Variants in RASAL3 observed in about 807,000 individuals in gnomAD.
The protein encoded by RASAL3 is RAS protein activator like 3.
Under a neutral mutation model 105.5 loss-of-function variants are expected in RASAL3, and 74 were observed. The observed-to-expected ratio is 0.70, with a 90% confidence interval of 0.58 to 0.85. The LOEUF is 0.85. Ranked by LOEUF, RASAL3 falls within the 40% of genes least tolerant of loss-of-function variation. RASAL3 has a pLI of 0.00. For missense variants in RASAL3, 1,352 were observed against 1,392.0 expected (o/e 0.97, Z 0.46); for synonymous variants, 579 against 591.6 (o/e 0.98, Z 0.31).
intron 2 of RASAL3, among the ~76,000 whole-genome samples, chr19:15,463,245 C>T (rs1268896330): frequency 6.6e-6 from 1 of 151,828 alleles, no homozygotes; most frequent in Non-Finnish European, 1.5e-5. Flanking sequence ...GCCACCATGC[C>T]TAGATACTTT....
chr19:15,464,071 TG>T lies in RASAL3; in HGVS notation c.287del (p.Pro96HisfsTer113), dbSNP rs1970595518. ...CCGGCTCCGGGTCTGGCTCCGGCGG[TG>T]GGTTCTTATGCCTCCCCCAGAGGGC... ...SKALWGRHKN[P>X]PPEPDPEPEQ... On this transcript the variant is annotated frameshift_variant, in exon 2 of 18. Coordinates refer to ENST00000343625, the MANE Select transcript of RASAL3 (RefSeq NM_022904.3). LOFTEE classifies it high-confidence loss of function. The T allele has an allele frequency of 6.3e-7, 1 of 1,588,568 alleles. No homozygotes were observed. Among genetic ancestry groups the T allele is most frequent in the Non-Finnish European group, 8.6e-7 (1 of 1,164,254 alleles).
At chr19:15,460,108 G>A in intron 6 of RASAL3, 95 bp downstream of exon 6, 3 of 1,041,274 alleles carry the variant, frequency 2.9e-6, no homozygotes, top group Middle Eastern at 2.1e-4. Flanking sequence ...GAGGCCACAG[G>A]GGGTGTTTGG....
chr19:15,460,105 C>T (rs1970461321), intron 6 of RASAL3, 98 bp downstream of exon 6: 5 of 1,031,544 alleles, frequency 4.8e-6, no homozygotes, highest in Non-Finnish European at 7.2e-6. Context: ...ACAGAGGCCA[C>T]AGGGGGTGTT....
Position 15,454,187 on chromosome 19 carries a change from T to C in RASAL3, c.2241A>G (p.Pro747=). The change falls in exon 14 of 18, where the codon CCA becomes CCG. Residue 747 remains proline, a synonymous_variant. Coordinates refer to ENST00000343625, the MANE Select transcript of RASAL3 (RefSeq NM_022904.3). ...EEGQPVLVSV[P]MRLPLPPAQV... is the part of the protein sequence containing the mutation. ...GGGCCGGGGGCAGTGGGAGACGCAT[T>C]GGCACTGACACAAGCACAGGCTGGC... 1.3e-6 allele frequency: 2 copies of C among 1,569,602 alleles called. No homozygotes were observed. Among genetic ancestry groups the C allele is most frequent in the Non-Finnish European group, 1.7e-6 (2 of 1,157,002 alleles).
In RASAL3 at chr19:15,457,892, G is replaced by T; in HGVS notation, c.889-58C>A. ...TTGGTTTGTTGGCACCCCAAAGAAG[G>T]CACCGCAAGTGAAGCGTGGAGCCTC... is the stretch of plus-strand genomic sequence containing the variant. On this transcript the variant is annotated intron_variant, in intron 8 of 17. Transcript: ENST00000343625. The surrounding 1 kb of genome is among the most constrained non-coding windows in gnomAD (Gnocchi z 8.6). 6 of 1,531,346 alleles carry T rather than the reference G, an allele frequency of 3.9e-6. No homozygotes were observed. The highest frequency in any genetic ancestry group is 1.2e-5 in the South Asian group (1 of 83,064). 94.9% of individuals were successfully genotyped at this position (1,531,346 alleles called of 1,614,324 possible). A position where few individuals can be genotyped will look rare whatever the true frequency, so the allele number is the denominator to read the frequency against.
chr19:15,458,730 G>A, intron 6 of RASAL3, 75 bp from the exon 7 acceptor site: 3 of 1,534,456 alleles, frequency 2.0e-6, no homozygotes, highest in Admixed American at 3.9e-5. Flanking sequence ...GGTAGAGGAA[G>A]GCCAGGAAGG....
At position 15,458,348 on chromosome 19, in the gene RASAL3, G is replaced by T. The variant is rs760390003; in HGVS notation, c.868C>A (p.Arg290Ser). ...ATGACCTGGGTGGGCTGGAATTGGC[G>T]ACGAAGGTCCTCGATCCAGCGGTCT... ...ERDRWIEDLR[R>S]QFQPTQDNVE... The change falls in exon 8 of 18, where the codon CGC becomes AGC. Residue 290 changes from arginine (R) to serine (S), a missense_variant. Arg to Ser is a moderately radical substitution (Grantham distance 110, BLOSUM62 -1). Coordinates refer to ENST00000343625, the MANE Select transcript of RASAL3 (RefSeq NM_022904.3). 17 of 1,613,684 alleles carry T rather than the reference G, an allele frequency of 1.1e-5. No homozygotes were observed. Among genetic ancestry groups the T allele is most frequent in the Non-Finnish European group, 1.4e-5 (17 of 1,179,814 alleles).
Position 15,456,092 on chromosome 19 carries a change from C to T in RASAL3, c.1721+12G>A. On this transcript the variant is annotated intron_variant, in intron 11 of 17. Transcript: ENST00000343625. The surrounding 1 kb of genome is among the most constrained non-coding windows in gnomAD (Gnocchi z 4.4). ...CAGGGGTGGGCTAAGCTGCTGGGGCCCTGATTCTCACTCGTAGGAATGGAT... is the reference window on the plus strand; with the variant it reads ...CAGGGGTGGGCTAAGCTGCTGGGGCTCTGATTCTCACTCGTAGGAATGGAT... 9 of 1,611,688 alleles carry T rather than the reference C, an allele frequency of 5.6e-6. No individual in the cohort carries two copies. The highest frequency in any genetic ancestry group is 1.7e-5 in the Admixed American group (1 of 59,910).
chr19:15,458,625 C>A lies in RASAL3; in HGVS notation c.693G>T (p.Ser231=), dbSNP rs1283794691. The change falls in exon 7 of 18, where the codon TCG becomes TCT. Residue 231 remains serine, a synonymous_variant. Transcript: ENST00000343625. Reference sequence around the variant, plus strand: ...GGTCCAGTTCAGAGAGTGTGGCCAGCGACTCCCTAGAGCCCAGAGCACTGG... The same window carrying A: ...GGTCCAGTTCAGAGAGTGTGGCCAGAGACTCCCTAGAGCCCAGAGCACTGG... The part of the protein sequence containing the change: ...GPPSALGSRE[S]LATLSELDLG... 6 of 1,613,438 alleles carry A rather than the reference C, an allele frequency of 3.7e-6. No individual in the cohort carries two copies. Among genetic ancestry groups the A allele is most frequent in the Admixed American group, 1.7e-5 (1 of 59,936 alleles).
Position 15,452,694 on chromosome 19 carries a change from C to A in RASAL3, c.2792G>T (p.Gly931Val). Residue 931 changes from glycine (G) to valine (V), a missense_variant, in exon 16 of 18, where the codon GGC (glycine) becomes GTC (valine). Physicochemically the swap from Gly to Val is moderately radical, Grantham distance 109. Around this residue, in one of 3 missense-constraint regions of RASAL3, gnomAD observed 920 missense variants for 919.6 expected, o/e 1.00. Coordinates refer to ENST00000343625, the MANE Select transcript of RASAL3 (RefSeq NM_022904.3). ...CCTGGAGTCCAGATCCTGCAGCTGG[C>A]CCCGCAGCTGCTCCTGCTGCTCCGT... ...ALTEQQEQLR[G>V]QLQDLDSRLR... 1 of 1,551,620 alleles carries A rather than the reference C, an allele frequency of 6.4e-7. No individual in the cohort carries two copies. Among genetic ancestry groups the A allele is most frequent in the East Asian group, 2.4e-5 (1 of 41,066 alleles).
intron 1 of RASAL3, 54 bp from the exon 2 acceptor site, chr19:15,464,431 C>A: frequency 7.0e-7 from 1 of 1,422,140 alleles, no homozygotes; most frequent in South Asian, 1.2e-5. Context: ...ATACTGCCCT[C>A]ATCTCGGCCC....
Position 15,453,361 on chromosome 19 carries a change from G to T in RASAL3, c.2416C>A (p.Arg806=). Residue 806 remains arginine, a synonymous_variant, in exon 15 of 18, where the codon CGG becomes AGG. Coordinates refer to ENST00000343625, the MANE Select transcript of RASAL3 (RefSeq NM_022904.3). The surrounding 1 kb of genome is among the most constrained non-coding windows in gnomAD (Gnocchi z 4.2). ...SWARPRPDEE[R]PLRRPRPVQR... Reference sequence around the variant, plus strand: ...ACCGGCCGGGGCCGCCGCAGGGGCCGCTCTTCGTCCGGCCGTGGCCGGGCC... The same window carrying T: ...ACCGGCCGGGGCCGCCGCAGGGGCCTCTCTTCGTCCGGCCGTGGCCGGGCC... The T allele has an allele frequency of 7.0e-7, 1 of 1,438,494 alleles. No individual in the cohort carries two copies. Among genetic ancestry groups the T allele is most frequent in the East Asian group, 2.9e-5 (1 of 34,454 alleles). The allele number at this position is 1,438,494 out of a possible 1,614,324, so 89.1% of individuals were successfully genotyped here.
rs748634801 is a variant in RASAL3 at position 15,461,093 on chromosome 19, CTCCGGTTCTG to C, written c.563_572del (p.Thr188ArgfsTer18). 3 of 1,613,934 alleles carry C rather than the reference CTCCGGTTCTG, an allele frequency of 1.9e-6. No individual in the cohort carries two copies. Among genetic ancestry groups the C allele is most frequent in the Non-Finnish European group, 8.5e-7 (1 of 1,179,878 alleles). On this transcript the variant is annotated frameshift_variant, in exon 5 of 18. Coordinates refer to ENST00000343625, the MANE Select transcript of RASAL3 (RefSeq NM_022904.3). LOFTEE classifies it high-confidence loss of function. ...TGTGGACCTGGTTGGGACCAGCAGT[CTCCGGTTCTG>C]TTTTTCCAGGCATCCGATCTGTGGG...
Position 15,454,499 on chromosome 19 carries a change from G to C in RASAL3, c.2022C>G (p.Ala674=), listed in dbSNP as rs201561265. ...CTACCTGGTCCAGGAAGCATTGCATGGCTGGTCCATGTTCCTCCAGGAAGC... is the reference window on the plus strand; with the variant it reads ...CTACCTGGTCCAGGAAGCATTGCATCGCTGGTCCATGTTCCTCCAGGAAGC... ...MNSFLEEHGP[A]MQCFLDQVAM... is the part of the protein sequence containing the mutation. The change falls in exon 13 of 18, where the codon GCC becomes GCG. Residue 674 remains alanine, a synonymous_variant. Coordinates refer to ENST00000343625, the MANE Select transcript of RASAL3 (RefSeq NM_022904.3). 1.2e-6 allele frequency: 2 copies of C among 1,613,912 alleles called. No homozygotes were observed. The highest frequency in any genetic ancestry group is 1.7e-6 in the Non-Finnish European group (2 of 1,179,912).
chr19:15,458,229 G>T (rs1367726657), intron 8 of RASAL3, 99 bp downstream of exon 8: 3 of 1,114,588 alleles, frequency 2.7e-6, no homozygotes, highest in Non-Finnish European at 3.9e-6. Context: ...GTGTGTTGGG[G>T]GCGCGGGTTA....
Position 15,453,971 on chromosome 19 carries a change from C to A in RASAL3, c.2279+178G>T, listed in dbSNP as rs1215876757. Among the ~76,000 whole-genome samples the A allele has an allele frequency of 1.3e-5, 2 of 152,192 alleles. No individual in the cohort carries two copies. The highest frequency in any genetic ancestry group is 1.3e-4 in the Admixed American group (2 of 15,284). ...ATCTCTCCACCCTAACCTCTCCTCT[C>A]ATCCCCGACCTCAAACACACTGTGA... On this transcript the variant is annotated intron_variant, in intron 14 of 17. Coordinates refer to ENST00000343625, the MANE Select transcript of RASAL3 (RefSeq NM_022904.3). The surrounding 1 kb of genome is among the most constrained non-coding windows in gnomAD (Gnocchi z 4.2).
At position 15,457,844 on chromosome 19, in the gene RASAL3, G is replaced by A; in HGVS notation, c.889-10C>T. The A allele has an allele frequency of 6.5e-7, 1 of 1,548,032 alleles. No homozygotes were observed. Among genetic ancestry groups the A allele is most frequent in the Non-Finnish European group, 8.7e-7 (1 of 1,146,552 alleles). ...CCCGCTCCACGTTGTCCTGCAGATG[G>A]GAGTGGGATGGGGGGAAGCGTTTTG... On this transcript the variant is annotated splice_polypyrimidine_tract_variant and intron_variant, in intron 8 of 17. Coordinates refer to ENST00000343625, the MANE Select transcript of RASAL3 (RefSeq NM_022904.3). The surrounding 1 kb of genome is among the most constrained non-coding windows in gnomAD (Gnocchi z 8.6).
chr19:15,457,547 G>T lies in RASAL3; in HGVS notation c.1176C>A (p.Ala392=), dbSNP rs1302594453. The T allele has an allele frequency of 8.7e-7, 1 of 1,147,198 alleles. No individual in the cohort carries two copies. Among genetic ancestry groups the T allele is most frequent in the African/African-American group, 1.7e-5 (1 of 59,414 alleles). The allele number at this position is 1,147,198 out of a possible 1,614,324, so 71.1% of individuals were successfully genotyped here. A position where few individuals can be genotyped will look rare whatever the true frequency, so the allele number is the denominator to read the frequency against. The change falls in exon 9 of 18, where the codon GCC becomes GCA. Residue 392 remains alanine, a synonymous_variant. Transcript: ENST00000343625. This position sits in a 1 kb window ranked among gnomAD's most constrained non-coding sequence, Gnocchi z 8.6. ...RVALALEELD[A]PRAPAAGLER... ...CCAGACCGGCGGCAGGCGCGCGTGG[G>T]GCGTCCAGCTCCTCCAGCGCCAGGG...
At chr19:15,463,252 CTT>C (rs112642922) in intron 2 of RASAL3, among the ~76,000 whole-genome samples, 1 of 145,548 alleles carries the variant, frequency 6.9e-6, no homozygotes, top group African/African-American at 2.5e-5. Context: ...TGCCTAGATA[CTT>C]TTTTTTTTTT....
Sources: gnomAD v4.1 joint callset for allele counts (sites outside exome capture counted in the v4.1 genomes callset) on GRCh38, gnomAD v4.1.1 for gene constraint, gnomAD v4.1.1 regional missense constraint, Gnocchi (gnomAD v3.1) non-coding constraint, MANE v1.5 for transcripts, NCBI Gene and HGNC (gene_info 2026-07-23, HGNC 2026-07-21) for gene names.